Variants in CCDC134 observed in about 807,000 individuals in gnomAD.
CCDC134 encodes coiled-coil domain-containing protein 134.
Under a neutral mutation model 25.6 loss-of-function variants are expected in CCDC134, and 27 were observed. The observed-to-expected ratio is 1.05, with a 90% confidence interval of 0.78 to 1.45. The LOEUF (loss-of-function observed/expected upper bound fraction) is 1.45. CCDC134 is among the 40% of genes most tolerant of loss of function. CCDC134 has a pLI of 0.00. For synonymous variants in CCDC134, 110 were observed against 115.0 expected, an observed-to-expected ratio of 0.96 and a Z score of 0.28; for missense variants, 261 against 286.7, an observed-to-expected ratio of 0.91 and a Z score of 0.65.
At chr22:41,806,785 C>T (rs973746075) in intron 1 of CCDC134, among the ~76,000 whole-genome samples, 3 of 152,188 alleles carry the variant, frequency 2.0e-5, no homozygotes, top group South Asian at 2.1e-4. Flanking sequence ...CGGTGGCTCA[C>T]GACTGTAATC....
At chr22:41,812,131 G>A (rs2076599249) in intron 4 of CCDC134, among the ~76,000 whole-genome samples, 1 of 152,026 alleles carries the variant, frequency 6.6e-6, no homozygotes, top group Admixed American at 6.6e-5. Flanking sequence ...TATATAAGAT[G>A]ACAACACTAG....
At chr22:41,809,564 G>A (rs1330382899) in intron 2 of CCDC134, among the ~76,000 whole-genome samples, 2 of 152,166 alleles carry the variant, frequency 1.3e-5, no homozygotes, top group Non-Finnish European at 2.9e-5. Context: ...GGTGCAGCGC[G>A]AGCAGAGAGG....
Position 41,830,959 on chromosome 22 carries a change from C to T in CCDC134, c.*5136C>T, listed in dbSNP as rs1251248310. The stretch of plus-strand genomic sequence containing the variant: ...GGAGTGCAATGGCGCGATCTCTGCT[C>T]ACCGTAACTTCTGCCTCCCGGGTTC... On this transcript the variant is annotated 3_prime_UTR_variant, in exon 7 of 7. Transcript: ENST00000255784. Among the ~76,000 whole-genome samples the T allele has an allele frequency of 6.8e-6, 1 of 147,106 alleles. No individual in the cohort carries two copies.
chr22:41,813,494 A>G (rs1474788531), intron 5 of CCDC134, 49 bp downstream of exon 5: 1 of 1,596,030 alleles, frequency 6.3e-7, no homozygotes, highest in Admixed American at 1.7e-5. Context: ...CGGGTAGTGG[A>G]CTAGGATCCT....
intron 6 of CCDC134, among the ~76,000 whole-genome samples, chr22:41,819,983 A>G (rs1279714981): frequency 7.7e-6 from 1 of 130,194 alleles, no homozygotes; most frequent in Admixed American, 8.2e-5. Flanking sequence ...ATATATATAT[A>G]TATATATATA....
At position 41,830,514 on chromosome 22, in the gene CCDC134, A is replaced by G. The variant is rs1369735198; in HGVS notation, c.*4691A>G. Among the ~76,000 whole-genome samples the G allele has an allele frequency of 6.6e-6, 1 of 152,228 alleles. No homozygotes were observed. Among genetic ancestry groups the G allele is most frequent in the Non-Finnish European group, 1.5e-5 (1 of 68,034 alleles). ...AGGGGCCTTGCAAGAGCCACTGGGC[A>G]GCACAGTTGAAGGTGGCACCTTCCT... On this transcript the variant is annotated 3_prime_UTR_variant, in exon 7 of 7. Coordinates refer to ENST00000255784, the MANE Select transcript of CCDC134 (RefSeq NM_024821.5).
At chr22:41,807,561 CAAAA>C (rs34676090) in intron 1 of CCDC134, among the ~76,000 whole-genome samples, 1 of 132,054 alleles carries the variant, frequency 7.6e-6, no homozygotes. Context: ...GACCCTGTCT[CAAAA>C]AAAAAAAAAA....
rs551784126 is a variant in CCDC134 at position 41,827,680 on chromosome 22, T to C, written c.*1857T>C. The stretch of plus-strand genomic sequence containing the variant: ...ACAAATTCATTTACAGCATATACCC[T>C]ATGGGGAGGATATTCCCTGTTATAG... On this transcript the variant is annotated 3_prime_UTR_variant, in exon 7 of 7. Transcript: ENST00000255784. Among the ~76,000 whole-genome samples the C allele has an allele frequency of 2.0e-5, 3 of 152,192 alleles. No individual in the cohort carries two copies. Among genetic ancestry groups the C allele is most frequent in the Non-Finnish European group, 4.4e-5 (3 of 68,028 alleles).
Position 41,813,298 on chromosome 22 carries a change from C to G in CCDC134, c.345C>G (p.Phe115Leu), listed in dbSNP as rs762153967. Residue 115 changes from phenylalanine (F) to leucine (L), a missense_variant, in exon 5 of 7, where the codon TTC (phenylalanine) becomes TTG (leucine). Coordinates refer to ENST00000255784, the MANE Select transcript of CCDC134 (RefSeq NM_024821.5). ...ACGTGGTGGAGAACACGGCCTTCTT[C>G]GGCGATGTGGTGCTGCGCTTCCCGA... ...FSHVVENTAF[F>L]GDVVLRFPRI... 4 of 1,614,182 alleles carry G rather than the reference C, an allele frequency of 2.5e-6. No homozygotes were observed. In the African/African-American group the frequency reaches 5.3e-5, roughly 22 times the overall value.
chr22:41,808,477 C>A (rs1183326934), intron 1 of CCDC134, among the ~76,000 whole-genome samples: 1 of 152,104 alleles, frequency 6.6e-6, no homozygotes, highest in Non-Finnish European at 1.5e-5. Flanking sequence ...CACAGTGCCT[C>A]ACCCAGACCT....
Position 41,825,575 on chromosome 22 carries a change from C to T in CCDC134, c.565-123C>T, listed in dbSNP as rs118040636. 4.1e-5 allele frequency: 53 copies of T among 1,280,292 alleles called. 1 individual carries two copies. Among genetic ancestry groups the T allele is most frequent in the East Asian group, 9.6e-5 (4 of 41,744 alleles). 79.3% of individuals were successfully genotyped at this position (1,280,292 alleles called of 1,614,324 possible). ...TTCTCCCAAACCCATTTCCTGTCTC[C>T]GTGTCTGGGGCAGGGCCTGTGTCCA... On this transcript the variant is annotated intron_variant, in intron 6 of 6. Transcript: ENST00000255784. This position sits in a 1 kb window ranked among gnomAD's most constrained non-coding sequence, Gnocchi z 4.4.
Position 41,825,790 on chromosome 22 carries a change from C to A in CCDC134, c.657C>A (p.Gly219=). The A allele has an allele frequency of 1.9e-6, 3 of 1,614,174 alleles. No homozygotes were observed. Among genetic ancestry groups the A allele is most frequent in the Admixed American group, 3.3e-5 (2 of 60,030 alleles). ...KEEKRKEIRK[G]PRISRSQSEL ...AGAAGCGGAAGGAGATCCGAAAAGG[C>A]CCAAGGATCTCCAGATCCCAGTCTG... Residue 219 remains glycine (G), a synonymous_variant, in exon 7 of 7, where the codon GGC becomes GGA. Coordinates refer to ENST00000255784, the MANE Select transcript of CCDC134 (RefSeq NM_024821.5). The surrounding 1 kb of genome is among the most constrained non-coding windows in gnomAD (Gnocchi z 4.4).
intron 1 of CCDC134, among the ~76,000 whole-genome samples, chr22:41,805,315 C>CT (rs1230104852): frequency 6.6e-6 from 1 of 152,030 alleles, no homozygotes; most frequent in Non-Finnish European, 1.5e-5. Context: ...GCCTGTACTC[C>CT]CAGGCCCTTG....
intron 6 of CCDC134, among the ~76,000 whole-genome samples, chr22:41,816,121 A>G (rs940069575): frequency 1.2e-4 from 19 of 152,186 alleles, no homozygotes; most frequent in Admixed American, 9.2e-4. Flanking sequence ...GTTACTGCCA[A>G]TAAGTACAGG....
rs1392645297 is a variant in CCDC134, at chr22:41,825,680, C to T, written c.565-18C>T. The T allele has an allele frequency of 3.0e-5, 49 of 1,613,680 alleles. No individual in the cohort carries two copies. The highest frequency in any genetic ancestry group is 4.1e-5 in the Non-Finnish European group (48 of 1,179,776). ...TGCTGCCACAGACTAAATCAGACTG[C>T]TCTTCTCTTCCCTTCAGTTCATTCC... On this transcript the variant is annotated intron_variant, in intron 6 of 6. Coordinates refer to ENST00000255784, the MANE Select transcript of CCDC134 (RefSeq NM_024821.5). The surrounding 1 kb of genome is among the most constrained non-coding windows in gnomAD (Gnocchi z 4.4).
Position 41,820,311 on chromosome 22 carries a change from A to T in CCDC134, c.565-5387A>T, listed in dbSNP as rs145252177. ...GCTCCCAGCCGTTATTTATATATAT[A>T]TTTTTAAGACAGATTTTTGCTCTTG... On this transcript the variant is annotated intron_variant, in intron 6 of 6. Transcript: ENST00000255784. 1.6e-3 allele frequency among the ~76,000 whole-genome samples: 236 copies of T among 149,262 alleles called. 1 individual carries two copies. Among genetic ancestry groups the T allele is most frequent in the African/African-American group, 4.7e-3 (190 of 40,368 alleles).
At chr22:41,813,241 AC>A in intron 4 of CCDC134, 22 bp from the exon 5 acceptor site, 1 of 1,613,126 alleles carries the variant, frequency 6.2e-7, no homozygotes, top group Non-Finnish European at 8.5e-7. Context: ...TGCCCTGGCC[AC>A]TCATCAGGGT....
Position 41,813,449 on chromosome 22 carries a change from A to T in CCDC134, c.492+4A>T. On this transcript the variant is annotated splice_donor_region_variant and intron_variant, in intron 5 of 6. Coordinates refer to ENST00000255784, the MANE Select transcript of CCDC134 (RefSeq NM_024821.5). The stretch of plus-strand genomic sequence containing the variant: ...CCACTCGCCCATCCTCAGCCTGGTA[A>T]GGACTGGGGTGGAGGTGGCCCGGGA... The T allele has an allele frequency of 6.2e-7, 1 of 1,614,158 alleles. No homozygotes were observed. The highest frequency in any genetic ancestry group is 8.5e-7 in the Non-Finnish European group (1 of 1,180,008).
At position 41,825,755 on chromosome 22, in the gene CCDC134, A is replaced by T; in HGVS notation, c.622A>T (p.Lys208Ter). Residue 208 changes from lysine to a stop codon, truncating the protein, a stop_gained, in exon 7 of 7, where the codon AAG becomes TAG. Transcript: ENST00000255784. LOFTEE classifies it high-confidence loss of function. The surrounding 1 kb of genome is among the most constrained non-coding windows in gnomAD (Gnocchi z 4.4). ...CCTGAGAGAAGAAGAGAAACGCCGA[A>T]AGAAAGAGGAGAAGCGGAAGGAGAT... ...KALREEEKRR[K>*]KEEKRKEIRK... 1 of 1,614,210 alleles carries T rather than the reference A, an allele frequency of 6.2e-7. No individual in the cohort carries two copies. Among genetic ancestry groups the T allele is most frequent in the Non-Finnish European group, 8.5e-7 (1 of 1,180,012 alleles).
Sources: allele counts gnomAD v4.1 joint callset (sites outside exome capture counted in the v4.1 genomes callset), GRCh38; gene constraint gnomAD v4.1.1; non-coding constraint Gnocchi (gnomAD v3.1); transcripts MANE v1.5; gene names NCBI Gene and HGNC (gene_info 2026-07-23, HGNC 2026-07-21).